EFR3B: variants seen among roughly 807,000 people sequenced by gnomAD.
The protein encoded by EFR3B is EFR3 homolog B, also known as protein EFR3 homolog B.
A neutral mutation model predicts 104.7 loss-of-function variants in EFR3B; 64 were observed. The ratio of observed to expected loss-of-function variants is 0.61; its 90% CI spans 0.50 to 0.75. The LOEUF (loss-of-function observed/expected upper bound fraction) is 0.75, where lower values mean the gene tolerates loss of function less well. EFR3B is among the 30% of genes least tolerant of loss of function. The pLI is 0.00. For synonymous variants in EFR3B, 385 were observed against 417.9 expected (o/e 0.92, Z 0.96); for missense variants, 750 against 1,078.5 (o/e 0.70, Z 4.27).
At chr2:25,065,177 T>G (rs1326336889) in intron 1 of EFR3B, among the ~76,000 whole-genome samples, 2 of 152,002 alleles carry the variant, frequency 1.3e-5, no homozygotes, top group Non-Finnish European at 2.9e-5. Context: ...AATAAATGAT[T>G]CCTATAATAT....
At chr2:25,050,435 T>G in intron 1 of EFR3B, among the ~76,000 whole-genome samples, 1 of 152,148 alleles carries the variant, frequency 6.6e-6, no homozygotes, top group African/African-American at 2.4e-5. Context: ...AAAAGCTCTG[T>G]GTGGGGGTGC....
chr2:25,149,830 C>T (rs571630735), intron 20 of EFR3B, 88 bp downstream of exon 20: 4 of 1,221,810 alleles, frequency 3.3e-6, no homozygotes, highest in Non-Finnish European at 4.7e-6. Context: ...GGACACACCA[C>T]CCTCCGCAGT....
chr2:25,042,792 C>A lies in EFR3B; in HGVS notation c.7+473C>A. ...GGCGGCGCAGAGGCCCGGGGAGCAG[C>A]CAGTGGCCGAGTCTCGTCTCGCCCG... On this transcript the variant is annotated intron_variant, in intron 1 of 22. Coordinates refer to ENST00000403714, the MANE Select transcript of EFR3B (RefSeq NM_014971.2). The surrounding 1 kb of genome is among the most constrained non-coding windows in gnomAD (Gnocchi z 5.4). The A allele has an allele frequency of 5.7e-6, 4 of 703,534 alleles. No homozygotes were observed. Among genetic ancestry groups the A allele is most frequent in the Non-Finnish European group, 7.0e-6 (4 of 571,824 alleles). 43.6% of individuals were successfully genotyped at this position (703,534 alleles called of 1,614,324 possible).
chr2:25,130,463 G>C lies in EFR3B; in HGVS notation c.771-89G>C, dbSNP rs1670297585. The C allele has an allele frequency of 8.6e-7, 1 of 1,162,866 alleles. No homozygotes were observed. Among genetic ancestry groups the C allele is most frequent in the Non-Finnish European group, 1.3e-6 (1 of 792,620 alleles). 72.0% of individuals were successfully genotyped at this position (1,162,866 alleles called of 1,614,324 possible). ...CCGGGAACTGTGCGAGGGGCTCTGAGAAGGTGTCCCTCTGCCTCCAAGCTA... is the reference window on the plus strand; with the variant it reads ...CCGGGAACTGTGCGAGGGGCTCTGACAAGGTGTCCCTCTGCCTCCAAGCTA... On this transcript the variant is annotated intron_variant, in intron 7 of 22. Coordinates refer to ENST00000403714, the MANE Select transcript of EFR3B (RefSeq NM_014971.2). This position sits in a 1 kb window ranked among gnomAD's most constrained non-coding sequence, Gnocchi z 4.6.
At chr2:25,049,056 A>G (rs1231932460) in intron 1 of EFR3B, among the ~76,000 whole-genome samples, 1 of 152,226 alleles carries the variant, frequency 6.6e-6, no homozygotes, top group Admixed American at 6.5e-5. Context: ...GTCAAGGTAT[A>G]TAAACATTTT....
Position 25,155,191 on chromosome 2 carries a change from A to C in EFR3B, c.*851A>C, listed in dbSNP as rs1469601215. 1 of 152,198 alleles carries C rather than the reference A, an allele frequency of 6.6e-6. No individual in the cohort carries two copies. The highest frequency in any genetic ancestry group is 6.5e-5 in the Admixed American group (1 of 15,278). 9.4% of individuals were successfully genotyped at this position (152,198 alleles called of 1,614,324 possible). On this transcript the variant is annotated 3_prime_UTR_variant, in exon 23 of 23. Coordinates refer to ENST00000403714, the MANE Select transcript of EFR3B (RefSeq NM_014971.2). ...GGGTTGAGGAAAGGCAGAGCAAGAT[A>C]ATCTTGGAGGGGAACTACAGGGTCC...
chr2:25,067,917 G>A (rs1668382543), intron 1 of EFR3B, among the ~76,000 whole-genome samples: 2 of 152,030 alleles, frequency 1.3e-5, no homozygotes, highest in South Asian at 2.1e-4. Flanking sequence ...CTGGGCTTAA[G>A]TGATCCACCC....
intron 1 of EFR3B, among the ~76,000 whole-genome samples, chr2:25,044,850 C>T (rs1667674639): frequency 6.6e-6 from 1 of 152,192 alleles, no homozygotes. Context: ...GCTCAGCCTT[C>T]TTCCTTCTGC....
At chr2:25,072,714 T>C (rs895637363) in intron 1 of EFR3B, among the ~76,000 whole-genome samples, 7 of 152,176 alleles carry the variant, frequency 4.6e-5, no homozygotes, top group Non-Finnish European at 8.8e-5. Flanking sequence ...TATCCTCCAG[T>C]ACCTCCTCTT....
intron 1 of EFR3B, among the ~76,000 whole-genome samples, chr2:25,086,193 T>C (rs1169352201): frequency 1.3e-5 from 2 of 152,224 alleles, no homozygotes; most frequent in African/African-American, 4.8e-5. Context: ...GCTTCCAAGT[T>C]TTGGCAATTC....
intron 4 of EFR3B, among the ~76,000 whole-genome samples, chr2:25,112,434 G>A (rs1458920488): frequency 1.3e-5 from 2 of 152,236 alleles, no homozygotes; most frequent in African/African-American, 2.4e-5. Context: ...CTTGAAGGGG[G>A]GACTGTGTAA....
chr2:25,152,394 C>T (rs1294334788), intron 21 of EFR3B, among the ~76,000 whole-genome samples: 1 of 152,222 alleles, frequency 6.6e-6, no homozygotes, highest in Non-Finnish European at 1.5e-5. Context: ...CTGCGGATGA[C>T]AGCTTCTTCT....
Position 25,143,719 on chromosome 2 carries a change from C to A in EFR3B, c.1923-16C>A. The A allele has an allele frequency of 6.4e-7, 1 of 1,551,316 alleles. No individual in the cohort carries two copies. Among genetic ancestry groups the A allele is most frequent in the South Asian group, 1.2e-5 (1 of 84,022 alleles). ...ACCGCGGTTCTAACGAACTTTCTCC[C>A]TCCTTCATCTTCCAGGCTGTCTCAG... is the stretch of plus-strand genomic sequence containing the variant. On this transcript the variant is annotated splice_polypyrimidine_tract_variant and intron_variant, in intron 17 of 22. Coordinates refer to ENST00000403714, the MANE Select transcript of EFR3B (RefSeq NM_014971.2).
At position 25,157,763 on chromosome 2, in the gene EFR3B, GAGT is replaced by G. The variant is rs1671213694; in HGVS notation, c.*3424_*3426del. On this transcript the variant is annotated 3_prime_UTR_variant, in exon 23 of 23. Transcript: ENST00000403714. Reference sequence around the variant, plus strand: ...GGCTCCCTCTGTTTTCCTTGCCATGGAGTCCCCAGCGCCTTGTGCCTGTTTCCA... The same window carrying G: ...GGCTCCCTCTGTTTTCCTTGCCATGGCCCCAGCGCCTTGTGCCTGTTTCCA... 6.6e-6 allele frequency: 1 copy of G among 152,270 alleles called. No individual in the cohort carries two copies. Among genetic ancestry groups the G allele is most frequent in the African/African-American group, 2.4e-5 (1 of 41,432 alleles). 9.4% of individuals were successfully genotyped at this position (152,270 alleles called of 1,614,324 possible).
chr2:25,059,580 G>GGGGGGGGGGA (rs1668126744), intron 1 of EFR3B, among the ~76,000 whole-genome samples: 1 of 145,638 alleles, frequency 6.9e-6, no homozygotes, highest in Non-Finnish European at 1.5e-5. Context: ...TGCGGGGGGG[G>GGGGGGGGGGA]GGGGGGTGGA....
In EFR3B at chr2:25,139,231, T is replaced by C. The variant is rs934398873; in HGVS notation, c.1854+41T>C. The stretch of plus-strand genomic sequence containing the variant: ...ACCAAGAGCTCAGGGGGCCCTCAAC[T>C]TGGGGTTTCCTGGGAACAGCTTTTC... On this transcript the variant is annotated intron_variant, in intron 16 of 22. Transcript: ENST00000403714. 1.0e-5 allele frequency: 16 copies of C among 1,537,608 alleles called. No individual in the cohort carries two copies. The African/African-American group carries it at 1.2e-4, about 12-fold the overall frequency.
At chr2:25,075,678 C>T (rs1558591600) in intron 1 of EFR3B, among the ~76,000 whole-genome samples, 3 of 152,158 alleles carry the variant, frequency 2.0e-5, no homozygotes, top group Non-Finnish European at 4.4e-5. Context: ...CAGGCAGAGA[C>T]CTCAGTTCTT....
chr2:25,095,653 G>A (rs480319), intron 3 of EFR3B, among the ~76,000 whole-genome samples: 59,151 of 151,790 alleles, frequency 0.39, 13,940 homozygotes, highest in East Asian at 0.79. Flanking sequence ...CTGAGATCAC[G>A]CCACTGCACT....
Position 25,141,364 on chromosome 2 carries a change from A to C in EFR3B, c.1855-2A>C. On this transcript the variant is annotated splice_acceptor_variant, in intron 16 of 22. Transcript: ENST00000403714. LOFTEE classifies it high-confidence loss of function. The stretch of plus-strand genomic sequence containing the variant: ...TCTTATCTGATTCCTCCCAACCGCC[A>C]GGTGATAGAGACCAGGAAGAAAGAG... 1 of 1,551,292 alleles carries C rather than the reference A, an allele frequency of 6.4e-7. No homozygotes were observed. The highest frequency in any genetic ancestry group is 8.7e-7 in the Non-Finnish European group (1 of 1,146,762).
Sources: gnomAD v4.1 joint callset for allele counts (sites outside exome capture counted in the v4.1 genomes callset) on GRCh38, gnomAD v4.1.1 for gene constraint, Gnocchi (gnomAD v3.1) non-coding constraint, MANE v1.5 for transcripts, NCBI Gene and HGNC (gene_info 2026-07-23, HGNC 2026-07-21) for gene names.